TH: variants seen among roughly 807,000 people sequenced by gnomAD.
TH encodes tyrosine hydroxylase, also known as tyrosine 3-monooxygenase.
Under a neutral mutation model 57.4 loss-of-function variants are expected in TH, and 49 were observed. The observed-to-expected ratio is 0.85, with a 90% CI of 0.68 to 1.08. TH has a LOEUF of 1.08. Among genes scored for constraint, TH ranks in the 50% least tolerant of loss-of-function variants. The pLI, the probability that TH is intolerant of heterozygous loss-of-function variation, is 0.00. For missense variants in TH, 720 were observed against 696.7 expected (o/e 1.03, Z -0.38); for synonymous variants, 330 against 304.5 (o/e 1.08, Z -0.87).
chr11:2,168,617 G>A lies in TH; in HGVS notation c.361C>T (p.Pro121Ser). 6.2e-7 allele frequency: 1 copy of A among 1,611,952 alleles called. No homozygotes were observed. The highest frequency in any genetic ancestry group is 8.5e-7 in the Non-Finnish European group (1 of 1,179,726). The change falls in exon 3 of 13, where the codon CCG (proline) becomes TCG (serine). Residue 121 changes from proline to serine, a missense_variant. Physicochemically the swap from Pro to Ser is moderately conservative, Grantham distance 74. Transcript: ENST00000352909. Reference protein sequence around the residue: ...HHLETRPAQRPRAGGPHLEYF... With the variant: ...HHLETRPAQRSRAGGPHLEYF... Reference sequence around the variant, plus strand: ...TCCAGGTGGGGGCCCCCAGCTCGCGGCCTCTGGGCGGGCCGGGTCTCTAGA... The same window carrying A: ...TCCAGGTGGGGGCCCCCAGCTCGCGACCTCTGGGCGGGCCGGGTCTCTAGA...
In TH at chr11:2,171,008, G is replaced by A. The variant is rs928502951; in HGVS notation, c.90+689C>T. Among the ~76,000 whole-genome samples, 3 of 152,076 alleles carry A rather than the reference G, an allele frequency of 2.0e-5. No individual in the cohort carries two copies. Among genetic ancestry groups the A allele is most frequent in the Non-Finnish European group, 4.4e-5 (3 of 67,998 alleles). On this transcript the variant is annotated intron_variant, in intron 1 of 12. Transcript: ENST00000352909. This position sits in a 1 kb window ranked among gnomAD's most constrained non-coding sequence, Gnocchi z 8.6. ...CCCTCCTGTGGGCTGAAAAGCTCCCGATTATCCAGCCTGGCCCACACAGTC... is the reference window on the plus strand; with the variant it reads ...CCCTCCTGTGGGCTGAAAAGCTCCCAATTATCCAGCCTGGCCCACACAGTC...
intron 1 of TH, 46 bp from the exon 2 acceptor site, chr11:2,169,917 CG>C (rs752108150): frequency 1.3e-6 from 2 of 1,566,734 alleles, no homozygotes; most frequent in African/African-American, 1.4e-5. Context: ...TGCTGAGACC[CG>C]GGGACCTCCA....
Position 2,167,045 on chromosome 11 carries a change from A to G in TH, c.696-13T>C. Reference sequence around the variant, plus strand: ...GTAGACCTCCTTCCTGCGGGCAGCCAGGCTCAGGGCCCTCTAATGCCCCAC... The same window carrying G: ...GTAGACCTCCTTCCTGCGGGCAGCCGGGCTCAGGGCCCTCTAATGCCCCAC... On this transcript the variant is annotated splice_polypyrimidine_tract_variant and intron_variant, in intron 6 of 12. Transcript: ENST00000352909. 1.3e-6 allele frequency: 2 copies of G among 1,572,916 alleles called. No individual in the cohort carries two copies. Among genetic ancestry groups the G allele is most frequent in the Non-Finnish European group, 1.7e-6 (2 of 1,159,310 alleles).
At chr11:2,166,605 C>T (rs377698049) in intron 8 of TH, 28 bp downstream of exon 8, 20 of 1,582,786 alleles carry the variant, frequency 1.3e-5, no homozygotes, top group South Asian at 8.1e-5. Context: ...CCCCCACCCT[C>T]GGGCTGGCGG....
Position 2,166,556 on chromosome 11 carries a change from G to T in TH, c.978-7C>A, listed in dbSNP as rs778560407. 6.3e-7 allele frequency: 1 copy of T among 1,599,942 alleles called. No homozygotes were observed. The highest frequency in any genetic ancestry group is 8.5e-7 in the Non-Finnish European group (1 of 1,175,434). ...CAGCTCGTGGCAGCAGTCCCTGCGC[G>T]TAGGAGGGAGAAGGGGGCTGAGGGG... On this transcript the variant is annotated splice_polypyrimidine_tract_variant and splice_region_variant and intron_variant, in intron 8 of 12. Transcript: ENST00000352909.
In TH at chr11:2,166,532, A is replaced by G; in HGVS notation, c.995T>C (p.Leu332Pro). 6.2e-7 allele frequency: 1 copy of G among 1,602,354 alleles called. No individual in the cohort carries two copies. Among genetic ancestry groups the G allele is most frequent in the Non-Finnish European group, 8.5e-7 (1 of 1,177,150 alleles). The change falls in exon 9 of 13, where the codon CTG (leucine) becomes CCG (proline). Residue 332 changes from leucine (L) to proline (P), a missense_variant. Transcript: ENST00000352909. Reference protein sequence around the residue: ...HSPEPDCCHELLGHVPMLADR... With the variant: ...HSPEPDCCHEPLGHVPMLADR... The stretch of plus-strand genomic sequence containing the variant: ...GGCCAGCATGGGCACGTGCCCCAGC[A>G]GCTCGTGGCAGCAGTCCCTGCGCGT...
Position 2,171,750 on chromosome 11 carries a change from C to T in TH, c.37G>A (p.Gly13Ser), listed in dbSNP as rs1846265302. 6.2e-7 allele frequency: 1 copy of T among 1,612,794 alleles called. No homozygotes were observed. Among genetic ancestry groups the T allele is most frequent in the Non-Finnish European group, 8.5e-7 (1 of 1,179,856 alleles). ...AGCTCAGACACGGCCCTGCGGAAGC[C>T]CTTGGCCTGTGGCGTGGTGGCGTCG... Reference protein sequence around the residue: ...TPDATTPQAKGFRRAVSELDA... With the variant: ...TPDATTPQAKSFRRAVSELDA... The change falls in exon 1 of 13, where the codon GGC becomes AGC. Residue 13 changes from glycine to serine, a missense_variant. Physicochemically the swap from Gly to Ser is moderately conservative, Grantham distance 56. Transcript: ENST00000352909. The surrounding 1 kb of genome is among the most constrained non-coding windows in gnomAD (Gnocchi z 8.6).
intron 6 of TH, 178 bp from the exon 7 acceptor site, chr11:2,167,210 GA>G (rs1348649481): frequency 2.2e-5 from 23 of 1,056,390 alleles, no homozygotes; most frequent in Non-Finnish European, 3.0e-5. Context: ...AATCCCAGGG[GA>G]TAGGGGGCCA....
intron 6 of TH, 194 bp downstream of exon 6, chr11:2,167,241 A>C: frequency 1.0e-6 from 1 of 963,814 alleles, no homozygotes; most frequent in Non-Finnish European, 1.5e-6. Flanking sequence ...GTCCCTCAGC[A>C]CACTGGGGAT....
At chr11:2,167,064 G>T in intron 6 of TH, 32 bp from the exon 7 acceptor site, 2 of 1,562,388 alleles carry the variant, frequency 1.3e-6, no homozygotes, top group Non-Finnish European at 1.7e-6. Context: ...GCCCTCTAAT[G>T]CCCCACCCCA....
chr11:2,167,730 G>A (rs917434980), intron 5 of TH, 136 bp downstream of exon 5: 28 of 1,236,232 alleles, frequency 2.3e-5, no homozygotes, highest in Admixed American at 7.9e-5. Context: ...GGAAAGCCCT[G>A]GAGCAGAGCT....
chr11:2,171,689 C>T lies in TH; in HGVS notation c.90+8G>A. The T allele has an allele frequency of 6.2e-7, 1 of 1,611,564 alleles. No homozygotes were observed. The highest frequency in any genetic ancestry group is 8.5e-7 in the Non-Finnish European group (1 of 1,179,776). On this transcript the variant is annotated splice_region_variant and intron_variant, in intron 1 of 12. Transcript: ENST00000352909. The surrounding 1 kb of genome is among the most constrained non-coding windows in gnomAD (Gnocchi z 8.6). Reference sequence around the variant, plus strand: ...CTGCGGCCGCCGGGCACCTACCTGCCCTCTTACCATGATGGCCTCTGCCTG... The same window carrying T: ...CTGCGGCCGCCGGGCACCTACCTGCTCTCTTACCATGATGGCCTCTGCCTG...
intron 3 of TH, 126 bp downstream of exon 3, chr11:2,168,365 G>A: frequency 2.8e-6 from 4 of 1,416,946 alleles, no homozygotes; most frequent in Non-Finnish European, 3.9e-6. Flanking sequence ...GGGGTGCGGA[G>A]TGGAGCCCGC....
intron 9 of TH, 194 bp downstream of exon 9, chr11:2,166,286 A>G (rs1846087928): frequency 1.1e-6 from 1 of 905,232 alleles, no homozygotes; most frequent in Non-Finnish European, 1.7e-6. Flanking sequence ...GGTAGCCGGC[A>G]GGTGGCAGCA....
At chr11:2,168,831 T>A in intron 2 of TH, 166 bp from the exon 3 acceptor site, 1 of 894,588 alleles carries the variant, frequency 1.1e-6, no homozygotes, top group Non-Finnish European at 1.7e-6. Context: ...TCAGGTCAGC[T>A]GTCGGCCACC....
Position 2,168,194 on chromosome 11 carries a change from G to A in TH, c.488-15C>T. The stretch of plus-strand genomic sequence containing the variant: ...GAACCAGGGGACTTTATGGGTGATG[G>A]AGGAAGAGATCTTGGTGAGCTCGGA... On this transcript the variant is annotated splice_polypyrimidine_tract_variant and intron_variant, in intron 3 of 12. Coordinates refer to ENST00000352909, the MANE Select transcript of TH (RefSeq NM_000360.4). The A allele has an allele frequency of 6.2e-7, 1 of 1,612,290 alleles. No individual in the cohort carries two copies. Among genetic ancestry groups the A allele is most frequent in the Non-Finnish European group, 8.5e-7 (1 of 1,179,090 alleles).
At chr11:2,166,812 G>T in intron 7 of TH, 44 bp from the exon 8 acceptor site, 2 of 1,551,810 alleles carry the variant, frequency 1.3e-6, no homozygotes, top group Non-Finnish European at 1.7e-6. Flanking sequence ...GGACGGGCTG[G>T]AGCCGCGCTG....
Position 2,170,923 on chromosome 11 carries a change from A to AC in TH, c.90+773dup, listed in dbSNP as rs997113842. Among the ~76,000 whole-genome samples the AC allele has an allele frequency of 6.6e-6, 1 of 151,710 alleles. No homozygotes were observed. Among genetic ancestry groups the AC allele is most frequent in the African/African-American group, 2.4e-5 (1 of 41,254 alleles). The stretch of plus-strand genomic sequence containing the variant: ...TTTCAATCAAGGTCCATAAATAAAA[A>AC]CCCATTTTAAATGTGCCAGGGAGCC... On this transcript the variant is annotated intron_variant, in intron 1 of 12. Transcript: ENST00000352909. The surrounding 1 kb of genome is among the most constrained non-coding windows in gnomAD (Gnocchi z 6.0).
chr11:2,170,567 C>G lies in TH; in HGVS notation c.91-696G>C, dbSNP rs545880254. ...GACACCTGGGGCTCATCCCTTGGAGCTGAACTCCCAAGAAGGCTCTGGGCC... is the reference window on the plus strand; with the variant it reads ...GACACCTGGGGCTCATCCCTTGGAGGTGAACTCCCAAGAAGGCTCTGGGCC... On this transcript the variant is annotated intron_variant, in intron 1 of 12. Coordinates refer to ENST00000352909, the MANE Select transcript of TH (RefSeq NM_000360.4). The surrounding 1 kb of genome is among the most constrained non-coding windows in gnomAD (Gnocchi z 6.0). 1.7e-5 allele frequency: 15 copies of G among 899,310 alleles called. No individual in the cohort carries two copies. In the East Asian group the frequency reaches 3.4e-4, roughly 21 times the overall value. 55.7% of individuals were successfully genotyped at this position (899,310 alleles called of 1,614,324 possible).
Sources: gnomAD v4.1 joint callset for allele counts (sites outside exome capture counted in the v4.1 genomes callset) on GRCh38, gnomAD v4.1.1 for gene constraint, Gnocchi (gnomAD v3.1) non-coding constraint, MANE v1.5 for transcripts, NCBI Gene and HGNC (gene_info 2026-07-23, HGNC 2026-07-21) for gene names.